CAPN8: variants seen among roughly 807,000 people sequenced by gnomAD.
CAPN8 encodes calpain-8.
In CAPN8, 87 loss-of-function variants were observed where a neutral mutation model predicts 80.9. The ratio of observed to expected loss-of-function variants is 1.07; its 90% CI spans 0.90 to 1.28. The LOEUF (loss-of-function observed/expected upper bound fraction) is 1.28. Among genes scored for constraint, CAPN8 ranks in the 50% most tolerant of loss-of-function variants. The pLI, the probability that CAPN8 is intolerant of heterozygous loss-of-function variation, is 0.00. For missense variants in CAPN8, 757 were observed against 702.0 expected (o/e 1.08, Z -0.89); for synonymous variants, 299 against 273.8 (o/e 1.09, Z -0.91).
chr1:223,643,549 A>T (rs1658102669), intron 2 of CAPN8, among the ~76,000 whole-genome samples: 1 of 152,240 alleles, frequency 6.6e-6, no homozygotes, highest in African/African-American at 2.4e-5. Flanking sequence ...GAGCAAAAAT[A>T]TGTGAAAAGA....
At chr1:223,626,010 G>A (rs984027820) in intron 5 of CAPN8, 122 bp from the exon 6 acceptor site, 31 of 704,712 alleles carry the variant, frequency 4.4e-5, no homozygotes, top group Non-Finnish European at 7.5e-5. Context: ...TAGGGGTGTA[G>A]GCATGGCTAT....
chr1:223,637,624 T>A (rs1478560656), intron 2 of CAPN8, among the ~76,000 whole-genome samples: 1 of 152,164 alleles, frequency 6.6e-6, no homozygotes, highest in Non-Finnish European at 1.5e-5. Context: ...CCAACCCTCC[T>A]GGAGTTCCTC....
chr1:223,610,831 GGGT>G (rs1657011562), intron 11 of CAPN8, among the ~76,000 whole-genome samples: 1 of 152,134 alleles, frequency 6.6e-6, no homozygotes, highest in Non-Finnish European at 1.5e-5. Context: ...GTTTAACTAA[GGGT>G]GGTTCTCAGT....
intron 2 of CAPN8, among the ~76,000 whole-genome samples, chr1:223,630,159 A>G (rs922554439): frequency 6.6e-6 from 1 of 152,052 alleles, no homozygotes; most frequent in African/African-American, 2.4e-5. Flanking sequence ...TCACCAGGTC[A>G]TCCTAGAAAG....
intron 2 of CAPN8, among the ~76,000 whole-genome samples, chr1:223,629,189 C>T (rs905128226): frequency 3.3e-5 from 3 of 91,222 alleles, no homozygotes; most frequent in African/African-American, 1.3e-4. Flanking sequence ...ATGATGTGTA[C>T]GTGTAAGAGT....
chr1:223,657,314 G>C (rs191906017), intron 1 of CAPN8, among the ~76,000 whole-genome samples: 2 of 152,120 alleles, frequency 1.3e-5, no homozygotes, highest in Admixed American at 1.3e-4. Flanking sequence ...AAAAGGCAGA[G>C]AGATCTGATA....
At position 223,654,458 on chromosome 1, in the gene CAPN8, G is replaced by A. The variant is rs372208777; in HGVS notation, c.238-59C>T. On this transcript the variant is annotated intron_variant, in intron 1 of 20. Coordinates refer to ENST00000366872, the MANE Select transcript of CAPN8 (RefSeq NM_001143962.2). ...AGGTGCTCAGTGATGGCAGCAGCCT[G>A]GGGAAAGGAACATCAGAGTCCCAGG... 3.3e-5 allele frequency: 48 copies of A among 1,458,304 alleles called. No individual in the cohort carries two copies. The South Asian group carries it at 3.9e-4, about 12-fold the overall frequency. The allele number at this position is 1,458,304 out of a possible 1,614,324, so 90.3% of individuals were successfully genotyped here. A position where few individuals can be genotyped will look rare whatever the true frequency, so the allele number is the denominator to read the frequency against.
At chr1:223,550,835 G>T in intron 15 of CAPN8, 125 bp downstream of exon 15, 1 of 598,350 alleles carries the variant, frequency 1.7e-6, no homozygotes, top group South Asian at 2.0e-5. Flanking sequence ...CAGGGCTCCT[G>T]GGGTCAGACA....
rs763112273 is a variant in CAPN8 at position 223,543,158 on chromosome 1, T to C, written c.2038A>G (p.Ser680Gly). ...CCATCCTTGTCTTCGTCCAGAAGGC[T>C]GAATAGTTCTAAAACACCAGAGAAG... ...IRLETLFKLF[S>G]LLDEDKDGMV... Residue 680 changes from serine (S) to glycine (G), a missense_variant, in exon 20 of 21, where the codon AGC (serine) becomes GGC (glycine). By Grantham distance (56) the Ser-to-Gly change is moderately conservative. Transcript: ENST00000366872. The C allele has an allele frequency of 1.3e-6, 2 of 1,551,662 alleles. No homozygotes were observed. Among genetic ancestry groups the C allele is most frequent in the South Asian group, 2.4e-5 (2 of 84,052 alleles).
At chr1:223,634,081 A>G (rs1004463224) in intron 2 of CAPN8, among the ~76,000 whole-genome samples, 1 of 152,200 alleles carries the variant, frequency 6.6e-6, no homozygotes, top group Non-Finnish European at 1.5e-5. Flanking sequence ...CAGAGTAAAG[A>G]TGGCATCATG....
At chr1:223,556,541 T>A (rs2102694544) in intron 13 of CAPN8, among the ~76,000 whole-genome samples, 1 of 152,274 alleles carries the variant, frequency 6.6e-6, no homozygotes, top group Admixed American at 6.5e-5. Flanking sequence ...CCAAGAGCTG[T>A]CAGTCATAAA....
chr1:223,659,502 C>A (rs1407936285), intron 1 of CAPN8, among the ~76,000 whole-genome samples: 2 of 152,280 alleles, frequency 1.3e-5, no homozygotes, highest in South Asian at 4.1e-4. Flanking sequence ...CGATGCACTG[C>A]CACAACCCAG....
At position 223,620,193 on chromosome 1, in the gene CAPN8, A is replaced by G. The variant is rs1657341981; in HGVS notation, c.973T>C (p.Trp325Arg). 6.4e-7 allele frequency: 1 copy of G among 1,551,520 alleles called. No homozygotes were observed. Among genetic ancestry groups the G allele is most frequent in the African/African-American group, 1.4e-5 (1 of 73,042 alleles). Reference protein sequence around the residue: ...LDKKVEDGEFWMSLSDFVRQF... With the variant: ...LDKKVEDGEFRMSLSDFVRQF... ...CGCTTCAGCAGAAAACTCTCTCACC[A>G]GAATTCTCCATCCTCAACTTTCTTG... Residue 325 changes from tryptophan to arginine, a missense_variant and splice_region_variant, in exon 8 of 21, where the codon TGG becomes CGG. Physicochemically the swap from Trp to Arg is moderately radical, Grantham distance 101 (BLOSUM62 -3). Transcript: ENST00000366872.
intron 10 of CAPN8, chr1:223,615,748 A>T (rs1205410951): frequency 1.5e-6 from 1 of 671,154 alleles, no homozygotes; most frequent in Non-Finnish European, 2.7e-6. Flanking sequence ...AATGTATCAC[A>T]CATCTCAATG....
intron 2 of CAPN8, among the ~76,000 whole-genome samples, chr1:223,640,987 G>T (rs78282069): frequency 0.013 from 1,971 of 152,216 alleles, 17 homozygotes; most frequent in African/African-American, 0.034. Context: ...CCAAGAAGAA[G>T]TTGGCAGAGC....
At chr1:223,616,232 T>C in intron 9 of CAPN8, 87 bp from the exon 10 acceptor site, 2 of 1,378,404 alleles carry the variant, frequency 1.5e-6, no homozygotes, top group Non-Finnish European at 2.0e-6. Context: ...AACTTGATCA[T>C]CCTAATGAAT....
chr1:223,612,146 C>T, intron 11 of CAPN8, 100 bp downstream of exon 11: 1 of 1,043,844 alleles, frequency 9.6e-7, no homozygotes, highest in Non-Finnish European at 1.2e-6. Flanking sequence ...GTGGAACAAC[C>T]AGCTTCTACC....
chr1:223,650,057 C>G (rs955869402), intron 2 of CAPN8, among the ~76,000 whole-genome samples: 2 of 152,156 alleles, frequency 1.3e-5, no homozygotes, highest in Non-Finnish European at 2.9e-5. Context: ...GAAGACTACC[C>G]GTGCATGCTG....
intron 16 of CAPN8, among the ~76,000 whole-genome samples, chr1:223,546,100 A>G (rs1216887030): frequency 6.8e-6 from 1 of 148,040 alleles, no homozygotes; most frequent in African/African-American, 2.5e-5. Context: ...CCAAAGTGCC[A>G]CGACTATTTT....
Sources: gnomAD v4.1 joint callset for allele counts (sites outside exome capture counted in the v4.1 genomes callset) on GRCh38, gnomAD v4.1.1 for gene constraint, MANE v1.5 for transcripts, NCBI Gene and HGNC (gene_info 2026-07-23, HGNC 2026-07-21) for gene names.